Variants in TNPO3 observed in about 807,000 individuals in gnomAD.
TNPO3 encodes transportin-3.
Under a neutral mutation model 122.8 loss-of-function variants are expected in TNPO3, and 65 were observed. The ratio of observed to expected loss-of-function variants is 0.53; its 90% CI spans 0.43 to 0.65. TNPO3 has a LOEUF of 0.65. Ranked by LOEUF, TNPO3 falls within the 30% of genes least tolerant of loss-of-function variation. TNPO3 has a pLI of 0.00. For synonymous variants in TNPO3, 372 were observed against 411.2 expected (o/e 0.90, Z 1.15); for missense variants, 850 against 1,136.7 (o/e 0.75, Z 3.63).
chr7:129,026,273 A>C (rs1805156265), intron 1 of TNPO3, among the ~76,000 whole-genome samples: 1 of 152,178 alleles, frequency 6.6e-6, no homozygotes, highest in Admixed American at 6.5e-5. Context: ...GCAAAAAAAC[A>C]AAACAATTAC....
At chr7:129,013,384 C>T (rs1022168887) in intron 4 of TNPO3, among the ~76,000 whole-genome samples, 2 of 149,800 alleles carry the variant, frequency 1.3e-5, no homozygotes, top group Non-Finnish European at 3.0e-5. Flanking sequence ...GCAAACTACC[C>T]ATCCAACAAG....
At chr7:128,975,747 G>A in intron 17 of TNPO3, 72 bp downstream of exon 17, 2 of 881,958 alleles carry the variant, frequency 2.3e-6, no homozygotes, top group South Asian at 1.5e-5. Flanking sequence ...TTAAAGACAT[G>A]GTAAAGAATA....
At chr7:129,056,042 C>T (rs1436619853), upstream of TNPO3, 5 of 1,138,826 alleles carry the variant, frequency 4.4e-6, no homozygotes, top group East Asian at 9.7e-5. Flanking sequence ...GGAAGTTCTT[C>T]GTGGGGAGGA....
chr7:129,024,658 T>C lies in TNPO3; in HGVS notation c.121-6501A>G, dbSNP rs188440799. Reference sequence around the variant, plus strand: ...AACAAGGGAGAGTAGAACTGAATCATGACAATAAAATCAGCAAAATCCACT... The same window carrying C: ...AACAAGGGAGAGTAGAACTGAATCACGACAATAAAATCAGCAAAATCCACT... On this transcript the variant is annotated intron_variant, in intron 1 of 22. Coordinates refer to ENST00000265388, the MANE Select transcript of TNPO3 (RefSeq NM_012470.4). Among the ~76,000 whole-genome samples, 620 of 152,206 alleles carry C rather than the reference T, an allele frequency of 4.1e-3. 2 individuals are homozygous for C. The highest frequency in any genetic ancestry group is 5.6e-3 in the Non-Finnish European group (381 of 67,996).
chr7:129,024,940 G>A (rs1328116611), intron 1 of TNPO3, among the ~76,000 whole-genome samples: 2 of 151,812 alleles, frequency 1.3e-5, no homozygotes, highest in African/African-American at 2.4e-5. Context: ...GTTTAAGGCT[G>A]CAGTGAGCCA....
rs896101172 is a variant in TNPO3, at chr7:129,054,866, G to A, written c.-96C>T. 5.8e-6 allele frequency: 9 copies of A among 1,548,516 alleles called. No individual in the cohort carries two copies. Among genetic ancestry groups the A allele is most frequent in the African/African-American group, 1.4e-5 (1 of 73,504 alleles). On this transcript the variant is annotated 5_prime_UTR_variant, in exon 1 of 23. Coordinates refer to ENST00000265388, the MANE Select transcript of TNPO3 (RefSeq NM_012470.4). Reference sequence around the variant, plus strand: ...CGCGCTTCCTCACTGTCTGGGCCACGGCCGCTCCCTGACTGGCGCCATCTC... The same window carrying A: ...CGCGCTTCCTCACTGTCTGGGCCACAGCCGCTCCCTGACTGGCGCCATCTC...
chr7:129,023,043 T>C (rs1243925418), intron 1 of TNPO3, among the ~76,000 whole-genome samples: 2 of 152,192 alleles, frequency 1.3e-5, no homozygotes, highest in African/African-American at 4.8e-5. Flanking sequence ...CATGCAAAAC[T>C]ATGCTTGTTT....
intron 9 of TNPO3, 46 bp downstream of exon 9, chr7:128,993,761 A>G: frequency 6.7e-7 from 1 of 1,503,094 alleles, no homozygotes; most frequent in East Asian, 2.3e-5. Context: ...AGTGAATACA[A>G]TTAAGGTGAC....
intron 11 of TNPO3, among the ~76,000 whole-genome samples, chr7:128,989,498 C>T (rs942774984): frequency 7.9e-5 from 12 of 152,174 alleles, no homozygotes; most frequent in African/African-American, 2.7e-4. Context: ...TCAATAAGGA[C>T]ACCCAGAGGT....
intron 11 of TNPO3, among the ~76,000 whole-genome samples, chr7:128,989,254 C>T (rs1800502268): frequency 6.6e-6 from 1 of 152,128 alleles, no homozygotes; most frequent in Non-Finnish European, 1.5e-5. Flanking sequence ...AAGATATACA[C>T]AGGAAACACA....
At chr7:129,049,216 T>C (rs1404471772) in intron 1 of TNPO3, among the ~76,000 whole-genome samples, 1 of 152,186 alleles carries the variant, frequency 6.6e-6, no homozygotes, top group South Asian at 2.1e-4. Context: ...TTGTGTACTA[T>C]GAGAAATATT....
chr7:129,006,419 C>A (rs1157602067), intron 4 of TNPO3, among the ~76,000 whole-genome samples: 5 of 152,034 alleles, frequency 3.3e-5, no homozygotes, highest in African/African-American at 1.2e-4. Flanking sequence ...ACATGTCATC[C>A]CACAGAAAGT....
intron 2 of TNPO3, among the ~76,000 whole-genome samples, chr7:129,017,657 A>G (rs1463987685): frequency 1.3e-5 from 2 of 152,230 alleles, no homozygotes; most frequent in Non-Finnish European, 2.9e-5. Flanking sequence ...CCTTTACTAA[A>G]GCCAATCAGC....
Position 129,018,040 on chromosome 7 carries a change from T to C in TNPO3, c.238A>G (p.Thr80Ala), listed in dbSNP as rs1490273861. The C allele has an allele frequency of 1.2e-6, 2 of 1,614,132 alleles. No individual in the cohort carries two copies. The highest frequency in any genetic ancestry group is 3.3e-5 in the Admixed American group (2 of 60,018). Residue 80 changes from threonine (T) to alanine (A), a missense_variant, in exon 2 of 23, where the codon ACA becomes GCA. Transcript: ENST00000265388. ...KIQTSFYELP[T>A]DSHASLRDSL... Reference sequence around the variant, plus strand: ...TCCCGTAAAGAGGCATGAGAGTCTGTGGGGAGCTCATAAAATGAGGTCTGA... The same window carrying C: ...TCCCGTAAAGAGGCATGAGAGTCTGCGGGGAGCTCATAAAATGAGGTCTGA...
At chr7:128,974,354 T>A (rs13438382) in intron 18 of TNPO3, among the ~76,000 whole-genome samples, 1,933 of 148,764 alleles carry the variant, frequency 0.013, 34 homozygotes, top group African/African-American at 0.045. Flanking sequence ...AGTTAGGGAC[T>A]AAGGAATTCA....
At chr7:128,988,610 G>A (rs557831107) in intron 11 of TNPO3, among the ~76,000 whole-genome samples, 13 of 152,280 alleles carry the variant, frequency 8.5e-5, no homozygotes, top group African/African-American at 3.1e-4. Context: ...TTTGATAAGA[G>A]TCTGCAAGTC....
chr7:128,975,802 C>T lies in TNPO3; in HGVS notation c.2178+17G>A, dbSNP rs781751882. ...CCTCTAGGCCTGATGCGTCTACACT[C>T]CTCATGGAAAAGATACCTGGAGCAT... is the stretch of plus-strand genomic sequence containing the variant. On this transcript the variant is annotated intron_variant, in intron 17 of 22. Coordinates refer to ENST00000265388, the MANE Select transcript of TNPO3 (RefSeq NM_012470.4). 5.6e-5 allele frequency: 86 copies of T among 1,540,598 alleles called. 1 individual carries two copies. The South Asian group carries it at 6.1e-4, about 11-fold the overall frequency.
intron 4 of TNPO3, among the ~76,000 whole-genome samples, chr7:129,013,037 A>G (rs571654086): frequency 2.0e-5 from 3 of 152,338 alleles, no homozygotes; most frequent in African/African-American, 7.2e-5. Flanking sequence ...GCTCATCCAT[A>G]ATGCGATACT....
chr7:129,002,297 T>C (rs1297104394), intron 5 of TNPO3, among the ~76,000 whole-genome samples: 1 of 152,146 alleles, frequency 6.6e-6, no homozygotes, highest in Non-Finnish European at 1.5e-5. Flanking sequence ...GCTAACCTAA[T>C]CCAGAAAGCA....
Sources: allele counts gnomAD v4.1 joint callset (sites outside exome capture counted in the v4.1 genomes callset), GRCh38; gene constraint gnomAD v4.1.1; transcripts MANE v1.5; gene names NCBI Gene and HGNC (gene_info 2026-07-23, HGNC 2026-07-21).